The following SLC27A1 variants were observed in gnomAD, a reference collection of about 807,000 sequenced individuals.
SLC27A1 encodes the protein solute carrier family 27 member 1, also known as long-chain fatty acid transport protein 1.
SLC27A1 carries 61 observed loss-of-function variants against 62.2 expected under a neutral mutation model. That is an observed-to-expected ratio of 0.98 (90% CI 0.80 to 1.21). The LOEUF is 1.21. Among genes scored for constraint, SLC27A1 ranks in the 50% most tolerant of loss-of-function variants. SLC27A1 has a pLI of 0.00. For missense variants in SLC27A1, 903 were observed against 932.1 expected (o/e 0.97, Z 0.41); for synonymous variants, 435 against 408.6 (o/e 1.06, Z -0.78).
chr19:17,494,948 C>G (rs1287150505), intron 6 of SLC27A1, among the ~76,000 whole-genome samples: 1 of 150,078 alleles, frequency 6.7e-6, no homozygotes, highest in Non-Finnish European at 1.5e-5. Context: ...TACAGCCTCC[C>G]TGCTAGCTTG....
At chr19:17,481,570 C>A (rs1398571219) in intron 1 of SLC27A1, among the ~76,000 whole-genome samples, 1 of 152,146 alleles carries the variant, frequency 6.6e-6, no homozygotes, top group East Asian at 1.9e-4. Flanking sequence ...GTGACACAAT[C>A]TCGGTTCACT....
At chr19:17,487,055 C>T (rs1351154218) in intron 2 of SLC27A1, 98 bp downstream of exon 2, 1 of 1,560,050 alleles carries the variant, frequency 6.4e-7, no homozygotes, top group East Asian at 2.3e-5. Context: ...GGCGGCCGCC[C>T]TGGACGTGGG....
upstream of SLC27A1, chr19:17,470,382 C>T (rs1055802381): frequency 3.5e-6 from 3 of 865,062 alleles, no homozygotes; most frequent in African/African-American, 3.6e-5. Context: ...GGCCTGGGGG[C>T]GGAGTCTGAC....
intron 1 of SLC27A1, among the ~76,000 whole-genome samples, chr19:17,479,122 A>G (rs1373265348): frequency 6.6e-6 from 1 of 152,026 alleles, no homozygotes; most frequent in Non-Finnish European, 1.5e-5. Flanking sequence ...TTAAAAAATT[A>G]TCAGCTGGGA....
At position 17,494,797 on chromosome 19, in the gene SLC27A1, C is replaced by CA. The variant is rs71162145; in HGVS notation, c.997-2444dup. On this transcript the variant is annotated intron_variant, in intron 6 of 11. Transcript: ENST00000252595. The stretch of plus-strand genomic sequence containing the variant: ...AGTTCTACCGAGGATTTTTTGTTTC[C>CA]AAAAAAAAAAAAAATAGGCAACGTA... Among the ~76,000 whole-genome samples, 584 of 147,976 alleles carry CA rather than the reference C, an allele frequency of 3.9e-3. 3 individuals are homozygous for CA. The highest frequency in any genetic ancestry group is 0.018 in the Middle Eastern group (5 of 284).
At chr19:17,498,862 G>C (rs2075378364) in intron 7 of SLC27A1, 1 of 154,854 alleles carries the variant, frequency 6.5e-6, no homozygotes, top group Admixed American at 6.5e-5. Flanking sequence ...GAGAGAGGGA[G>C]AGAGAGAGAA....
intron 6 of SLC27A1, chr19:17,492,343 G>C: frequency 6.6e-6 from 1 of 152,226 alleles, no homozygotes; most frequent in African/African-American, 2.4e-5. Context: ...ATCTTGCATT[G>C]GTTACTACTT....
rs575504964 is a variant in SLC27A1 at position 17,506,095 on chromosome 19, C to G, written c.*1483C>G. On this transcript the variant is annotated 3_prime_UTR_variant, in exon 12 of 12. Transcript: ENST00000252595. ...GGGGCCATGGCAAGAGACACCGTGG[C>G]GTCTCATGTGAACTTTCCTGGGCAC... 1.3e-5 allele frequency: 2 copies of G among 152,212 alleles called. No homozygotes were observed. The highest frequency in any genetic ancestry group is 4.8e-5 in the African/African-American group (2 of 41,440). The allele number at this position is 152,212 out of a possible 1,614,324, so 9.4% of individuals were successfully genotyped here.
At chr19:17,490,014 G>C (rs2075279381) in intron 6 of SLC27A1, 1 of 152,328 alleles carries the variant, frequency 6.6e-6, no homozygotes, top group East Asian at 1.9e-4. Flanking sequence ...GGGGTTGGGG[G>C]CTCTGGGCTG....
chr19:17,487,881 A>G (rs968567378), intron 4 of SLC27A1, among the ~76,000 whole-genome samples: 4 of 148,332 alleles, frequency 2.7e-5, no homozygotes, highest in Non-Finnish European at 4.5e-5. Context: ...CCATCTGTCT[A>G]CTTTTTTCCA....
Position 17,488,902 on chromosome 19 carries a change from C to G in SLC27A1, c.849C>G (p.Asp283Glu), listed in dbSNP as rs1049541915. 9 of 1,614,112 alleles carry G rather than the reference C, an allele frequency of 5.6e-6. No homozygotes were observed. The East Asian group carries it at 2.0e-4, about 36-fold the overall frequency. Residue 283 changes from aspartate to glutamate, a missense_variant, in exon 5 of 12, where the codon GAC becomes GAG. By Grantham distance (45) the Asp-to-Glu change is conservative. Transcript: ENST00000252595. ...GHHAYRMQAA[D>E]VLYDCLPLYH... ...ACGCCTACCGCATGCAGGCGGCTGA[C>G]GTGCTCTATGACTGCCTGCCCCTGT... is the stretch of plus-strand genomic sequence containing the variant.
Position 17,497,041 on chromosome 19 carries a change from C to CT in SLC27A1, c.997-213dup. On this transcript the variant is annotated intron_variant, in intron 6 of 11. Transcript: ENST00000252595. ...CCCAACCAAAAAACAACAAAAAAAG[C>CT]TGCATCCTAGACCCTTTGCAAGAGA... The CT allele has an allele frequency of 8.1e-6, 4 of 491,542 alleles. No homozygotes were observed. In the South Asian group the frequency reaches 1.3e-4, roughly 16 times the overall value. 30.4% of individuals were successfully genotyped at this position (491,542 alleles called of 1,614,324 possible).
chr19:17,489,883 A>C (rs1332306674), intron 6 of SLC27A1: 1 of 152,604 alleles, frequency 6.6e-6, no homozygotes, highest in African/African-American at 2.4e-5. Flanking sequence ...GCCCGGAGGG[A>C]ATAGCAAGGC....
rs1012045974 is a variant in SLC27A1 at position 17,504,370 on chromosome 19, T to C, written c.1784-85T>C. On this transcript the variant is annotated intron_variant, in intron 11 of 11. Transcript: ENST00000252595. Reference sequence around the variant, plus strand: ...GCCCAGGGGACAGCCTGTGGGAAGGTCCAGAGGTGCAGGAGAGGATATTGA... The same window carrying C: ...GCCCAGGGGACAGCCTGTGGGAAGGCCCAGAGGTGCAGGAGAGGATATTGA... The C allele has an allele frequency of 5.3e-6, 8 of 1,514,748 alleles. No individual in the cohort carries two copies. The African/African-American group carries it at 9.7e-5, about 18-fold the overall frequency. 93.8% of individuals were successfully genotyped at this position (1,514,748 alleles called of 1,614,324 possible). A position where few individuals can be genotyped will look rare whatever the true frequency, so the allele number is the denominator to read the frequency against.
intron 4 of SLC27A1, among the ~76,000 whole-genome samples, chr19:17,488,447 C>T (rs1261674694): frequency 1.3e-5 from 2 of 152,172 alleles, no homozygotes; most frequent in Non-Finnish European, 2.9e-5. Context: ...CCCTTCACCC[C>T]GTACTCACTC....
intron 1 of SLC27A1, among the ~76,000 whole-genome samples, chr19:17,479,800 C>T (rs1038679106): frequency 5.3e-5 from 8 of 152,014 alleles, no homozygotes; most frequent in South Asian, 2.1e-4. Context: ...CCCACCACCA[C>T]GCACGGCTAA....
At chr19:17,482,977 GGAAT>G (rs1239440062) in intron 1 of SLC27A1, among the ~76,000 whole-genome samples, 19 of 151,300 alleles carry the variant, frequency 1.3e-4, no homozygotes, top group Non-Finnish European at 2.1e-4. Context: ...AATGATGGAG[GGAAT>G]GAATGAATGA....
intron 1 of SLC27A1, among the ~76,000 whole-genome samples, chr19:17,472,497 G>A (rs536030998): frequency 4.5e-4 from 68 of 151,936 alleles, no homozygotes; most frequent in African/African-American, 1.6e-3. Context: ...CCCTTTTGTC[G>A]CCTAGCTGCA....
chr19:17,481,486 T>C (rs1757080923), intron 1 of SLC27A1, among the ~76,000 whole-genome samples: 1 of 151,704 alleles, frequency 6.6e-6, no homozygotes. Flanking sequence ...CTGGCCTCCA[T>C]TTACATTTTT....
Sources: allele counts gnomAD v4.1 joint callset (sites outside exome capture counted in the v4.1 genomes callset), GRCh38; gene constraint gnomAD v4.1.1; transcripts MANE v1.5; gene names NCBI Gene and HGNC (gene_info 2026-07-23, HGNC 2026-07-21).